Variants in DNAJC15 observed in about 807,000 individuals in gnomAD.
The protein encoded by DNAJC15 is DnaJ heat shock protein family (Hsp40) member C15.
In DNAJC15, 27 loss-of-function variants were observed where a neutral mutation model predicts 22.4. The observed-to-expected ratio is 1.20, with a 90% CI of 0.89 to 1.66. The LOEUF (loss-of-function observed/expected upper bound fraction) is 1.66, where lower values mean the gene tolerates loss of function less well. DNAJC15 is among the 40% of genes most tolerant of loss of function. The probability of loss-of-function intolerance (pLI) is 0.00; values close to 1 mark genes in which losing one functional copy is unlikely to be tolerated. For missense variants in DNAJC15, 208 were observed against 187.1 expected (o/e 1.11, Z -0.65); for synonymous variants, 79 against 63.2 (o/e 1.25, Z -1.19).
intron 1 of DNAJC15, among the ~76,000 whole-genome samples, chr13:43,053,554 TTTGTG>T (rs2153440349): frequency 6.6e-6 from 1 of 152,314 alleles, no homozygotes; most frequent in African/African-American, 2.4e-5. Flanking sequence ...TGTGTTTCCA[TTTGTG>T]TTGTGTGTGA....
chr13:43,097,504 G>A (rs908778174), intron 5 of DNAJC15, among the ~76,000 whole-genome samples: 1 of 152,172 alleles, frequency 6.6e-6, no homozygotes, highest in African/African-American at 2.4e-5. Flanking sequence ...TGCAGTATTA[G>A]GAAGACTATT....
chr13:43,085,424 A>C (rs2040683048), intron 4 of DNAJC15, among the ~76,000 whole-genome samples: 1 of 152,076 alleles, frequency 6.6e-6, no homozygotes, highest in South Asian at 2.1e-4. Context: ...TGTCTGCTAC[A>C]CCGTATATAC....
intron 5 of DNAJC15, among the ~76,000 whole-genome samples, chr13:43,087,363 T>G (rs1245344342): frequency 6.6e-6 from 1 of 152,196 alleles, no homozygotes. Flanking sequence ...GTGATAGGAA[T>G]GTTGGAACTT....
intron 1 of DNAJC15, among the ~76,000 whole-genome samples, chr13:43,028,131 TG>T (rs1555273460): frequency 6.6e-6 from 1 of 152,224 alleles, no homozygotes; most frequent in Non-Finnish European, 1.5e-5. Context: ...TATTCTTGAA[TG>T]GGAAGAAATG....
At chr13:43,051,400 G>A (rs1424075429) in intron 1 of DNAJC15, among the ~76,000 whole-genome samples, 1 of 142,932 alleles carries the variant, frequency 7.0e-6, no homozygotes, top group Non-Finnish European at 1.6e-5. Flanking sequence ...TACCCAGTGT[G>A]TAGTCTTTTA....
intron 1 of DNAJC15, among the ~76,000 whole-genome samples, chr13:43,061,513 T>G (rs377436715): frequency 7.8e-4 from 118 of 151,900 alleles, no homozygotes; most frequent in Middle Eastern, 6.8e-3. Context: ...TTGAGAAGAG[T>G]TTTTATTAAA....
Position 43,026,798 on chromosome 13 carries a change from G to A in DNAJC15, c.108+3064G>A, listed in dbSNP as rs187874331. ...GCCTGTAATTCTAGCAATTTGGAAG[G>A]TCAGGTGGGAGAATTACTTGAGCCC... On this transcript the variant is annotated intron_variant, in intron 1 of 5. Transcript: ENST00000379221. Among the ~76,000 whole-genome samples the A allele has an allele frequency of 6.9e-4, 105 of 152,302 alleles. 1 individual carries two copies. The South Asian group carries it at 0.013, about 20-fold the overall frequency.
At chr13:43,045,074 C>T (rs1295901932) in intron 1 of DNAJC15, among the ~76,000 whole-genome samples, 1 of 152,102 alleles carries the variant, frequency 6.6e-6, no homozygotes, top group African/African-American at 2.4e-5. Context: ...TGATCTGCTC[C>T]CCTTGTGACC....
Position 43,108,721 on chromosome 13 carries a change from T to C in DNAJC15, c.*1473T>C, listed in dbSNP as rs995063313. On this transcript the variant is annotated 3_prime_UTR_variant, in exon 6 of 6. Transcript: ENST00000379221. ...CTAAAGACTAGTCGTTTCTCATCAG[T>C]TGTGACAACAAAAATGGTTCCAGAT... is the stretch of plus-strand genomic sequence containing the variant. 1.3e-5 allele frequency: 2 copies of C among 152,160 alleles called. No homozygotes were observed. Among genetic ancestry groups the C allele is most frequent in the Admixed American group, 6.6e-5 (1 of 15,258 alleles). 9.4% of individuals were successfully genotyped at this position (152,160 alleles called of 1,614,324 possible). A position where few individuals can be genotyped will look rare whatever the true frequency, so the allele number is the denominator to read the frequency against.
In DNAJC15 at chr13:43,068,945, G is replaced by A. The variant is rs758408975; in HGVS notation, c.176G>A (p.Arg59Gln). The A allele has an allele frequency of 1.4e-5, 22 of 1,611,876 alleles. No individual in the cohort carries two copies. In the East Asian group the frequency reaches 1.6e-4, roughly 11 times the overall value. ...TACTATTTAGGTCGCTACGCATTTCGGATCTGGAAACCTCTAGAACAAGTT... is the reference window on the plus strand; with the variant it reads ...TACTATTTAGGTCGCTACGCATTTCAGATCTGGAAACCTCTAGAACAAGTT... ...ALAFAGRYAFRIWKPLEQVIT... is the reference protein window; with the variant it reads ...ALAFAGRYAFQIWKPLEQVIT... Residue 59 changes from arginine (R) to glutamine (Q), a missense_variant, in exon 3 of 6, where the codon CGG becomes CAG. Transcript: ENST00000379221.
In DNAJC15 at chr13:43,110,268, G is replaced by C. The variant is rs988642098; in HGVS notation, c.*3020G>C. 1.3e-5 allele frequency: 2 copies of C among 152,194 alleles called. No individual in the cohort carries two copies. 9.4% of individuals were successfully genotyped at this position (152,194 alleles called of 1,614,324 possible). ...TCACCATAGCAGCTGTCTTATAACAGAGAGTGGTCGGTCTGAGAGACAAAA... is the reference window on the plus strand; with the variant it reads ...TCACCATAGCAGCTGTCTTATAACACAGAGTGGTCGGTCTGAGAGACAAAA... On this transcript the variant is annotated 3_prime_UTR_variant, in exon 6 of 6. Transcript: ENST00000379221.
chr13:43,035,786 T>C (rs1439771059), intron 1 of DNAJC15, among the ~76,000 whole-genome samples: 1 of 152,176 alleles, frequency 6.6e-6, no homozygotes. Context: ...AGTGGCGTGA[T>C]CATAGCTCAC....
intron 3 of DNAJC15, among the ~76,000 whole-genome samples, chr13:43,074,984 G>T (rs1232051386): frequency 6.6e-6 from 1 of 152,160 alleles, no homozygotes; most frequent in Non-Finnish European, 1.5e-5. Flanking sequence ...TTTCTGTAGG[G>T]CTGACCGTGG....
At chr13:43,025,085 T>G (rs1172628083) in intron 1 of DNAJC15, among the ~76,000 whole-genome samples, 5 of 151,406 alleles carry the variant, frequency 3.3e-5, no homozygotes, top group Non-Finnish European at 7.4e-5. Flanking sequence ...AATGAGGCAG[T>G]AGAGATTTAG....
chr13:43,053,047 T>G (rs540219836), intron 1 of DNAJC15, among the ~76,000 whole-genome samples: 4 of 152,322 alleles, frequency 2.6e-5, no homozygotes, highest in Non-Finnish European at 5.9e-5. Context: ...CTTTTAGGTC[T>G]TAGATTTATC....
At chr13:43,097,092 G>A (rs2040743382) in intron 5 of DNAJC15, among the ~76,000 whole-genome samples, 1 of 152,152 alleles carries the variant, frequency 6.6e-6, no homozygotes, top group African/African-American at 2.4e-5. Context: ...TATAAAAAAT[G>A]CCCATGATGT....
chr13:43,108,707 T>G lies in DNAJC15; in HGVS notation c.*1459T>G, dbSNP rs925413448. 2.1e-4 allele frequency: 32 copies of G among 152,184 alleles called. No individual in the cohort carries two copies. Among genetic ancestry groups the G allele is most frequent in the African/African-American group, 7.5e-4 (31 of 41,460 alleles). 9.4% of individuals were successfully genotyped at this position (152,184 alleles called of 1,614,324 possible). ...TGACCTGTTATCTACTAAAGACTAGTCGTTTCTCATCAGTTGTGACAACAA... is the reference window on the plus strand; with the variant it reads ...TGACCTGTTATCTACTAAAGACTAGGCGTTTCTCATCAGTTGTGACAACAA... On this transcript the variant is annotated 3_prime_UTR_variant, in exon 6 of 6. Coordinates refer to ENST00000379221, the MANE Select transcript of DNAJC15 (RefSeq NM_013238.3).
At chr13:43,088,130 T>C (rs114394670) in intron 5 of DNAJC15, among the ~76,000 whole-genome samples, 1 of 152,200 alleles carries the variant, frequency 6.6e-6, no homozygotes, top group Non-Finnish European at 1.5e-5. Flanking sequence ...TTAATCAATG[T>C]GTATTTTGCC....
chr13:43,026,519 A>G (rs1026383645), intron 1 of DNAJC15, among the ~76,000 whole-genome samples: 2 of 152,316 alleles, frequency 1.3e-5, no homozygotes, highest in East Asian at 1.9e-4. Flanking sequence ...AATGACCAAT[A>G]ATGAGGCAGA....
Sources: gnomAD v4.1 joint callset for allele counts (sites outside exome capture counted in the v4.1 genomes callset) on GRCh38, gnomAD v4.1.1 for gene constraint, MANE v1.5 for transcripts, NCBI Gene and HGNC (gene_info 2026-07-23, HGNC 2026-07-21) for gene names.